The following STT3B variants were observed in gnomAD, a reference collection of about 807,000 sequenced individuals.
STT3B encodes the protein dolichyl-diphosphooligosaccharide--protein glycosyltransferase subunit STT3B.
In STT3B, 29 loss-of-function variants were observed where a neutral mutation model predicts 96.8. That is an observed-to-expected ratio of 0.30 (90% CI 0.22 to 0.41). STT3B has a LOEUF of 0.41. Ranked by LOEUF, STT3B falls within the 10% of genes least tolerant of loss-of-function variation. The pLI, the probability that STT3B is intolerant of heterozygous loss-of-function variation, is 1.00. For missense variants in STT3B, 640 were observed against 1,022.3 expected (o/e 0.63, Z 5.10); for synonymous variants, 367 against 360.0 (o/e 1.02, Z -0.22).
chr3:31,583,566 A>C (rs1394163526), intron 3 of STT3B, among the ~76,000 whole-genome samples: 3 of 152,020 alleles, frequency 2.0e-5, no homozygotes, highest in African/African-American at 4.8e-5. Context: ...TTTGGTTACT[A>C]TTTGCATGGA....
chr3:31,606,266 A>G (rs1699052256), intron 5 of STT3B, among the ~76,000 whole-genome samples: 1 of 152,216 alleles, frequency 6.6e-6, no homozygotes, highest in Non-Finnish European at 1.5e-5. Context: ...CTGCAGAAAT[A>G]TGTGTAAGTA....
intron 5 of STT3B, among the ~76,000 whole-genome samples, chr3:31,607,736 T>G (rs986819551): frequency 8.2e-5 from 9 of 109,658 alleles, no homozygotes; most frequent in African/African-American, 3.2e-4. Flanking sequence ...TTTCCTGTTT[T>G]TTGTTGTTTT....
At chr3:31,624,875 G>T (rs962806650) in intron 11 of STT3B, 39 bp from the exon 12 acceptor site, 2 of 1,521,128 alleles carry the variant, frequency 1.3e-6, no homozygotes, top group Non-Finnish European at 1.8e-6. Context: ...CTTCACATTT[G>T]TGACATCTCA....
At chr3:31,612,410 C>T (rs1482453674) in intron 5 of STT3B, among the ~76,000 whole-genome samples, 1 of 152,166 alleles carries the variant, frequency 6.6e-6, no homozygotes, top group Non-Finnish European at 1.5e-5. Context: ...ACCATTGGTG[C>T]TGGTAAGTGG....
At chr3:31,596,924 C>G in intron 4 of STT3B, 61 bp downstream of exon 4, 1 of 1,214,124 alleles carries the variant, frequency 8.2e-7, no homozygotes, top group East Asian at 2.3e-5. Context: ...TAAAACAGTT[C>G]TTTTCTCCTG....
chr3:31,546,714 G>T (rs527595808), intron 1 of STT3B, among the ~76,000 whole-genome samples: 8 of 152,208 alleles, frequency 5.3e-5, no homozygotes, highest in African/African-American at 1.9e-4. Flanking sequence ...GTTTTAGACT[G>T]GGTTGTTTAG....
In STT3B at chr3:31,596,799, TA is replaced by T; in HGVS notation, c.717del (p.Lys239AsnfsTer3). 1 of 1,609,098 alleles carries T rather than the reference TA, an allele frequency of 6.2e-7. No homozygotes were observed. ...FALQFTYYLWVKSVKTGSVFW... is the reference protein window; with the variant it reads ...FALQFTYYLWXKSVKTGSVFW... ...ATATCAGTTGCTTTTGTTTTTTAGG[TA>T]AAATCTGTAAAAACTGGGTCAGTTT... On this transcript the variant is annotated frameshift_variant and splice_region_variant, in exon 4 of 16. Transcript: ENST00000295770. LOFTEE classifies it high-confidence loss of function.
intron 14 of STT3B, among the ~76,000 whole-genome samples, chr3:31,629,996 G>A (rs1040027041): frequency 1.3e-5 from 2 of 152,156 alleles, no homozygotes; most frequent in Admixed American, 6.5e-5. Context: ...CTGTGTTTTC[G>A]ATCAGGTTCT....
chr3:31,634,336 T>C (rs567379431), intron 15 of STT3B, among the ~76,000 whole-genome samples: 2 of 152,204 alleles, frequency 1.3e-5, no homozygotes, highest in African/African-American at 2.4e-5. Flanking sequence ...AAAAGAGGGC[T>C]GTTGAACTTG....
intron 8 of STT3B, among the ~76,000 whole-genome samples, chr3:31,619,130 G>A (rs1014540165): frequency 1.1e-4 from 17 of 152,028 alleles, no homozygotes; most frequent in Non-Finnish European, 2.1e-4. Flanking sequence ...TACAGGTTGA[G>A]TATTCAAAAT....
intron 5 of STT3B, among the ~76,000 whole-genome samples, chr3:31,603,266 A>G (rs988577825): frequency 6.6e-6 from 1 of 152,090 alleles, no homozygotes; most frequent in African/African-American, 2.4e-5. Flanking sequence ...CCTTAAAATC[A>G]ATTGTAGCAC....
rs781307200 is a variant in STT3B at position 31,623,655 on chromosome 3, AT to A, written c.1540-12del. The A allele has an allele frequency of 8.9e-6, 14 of 1,567,506 alleles. No individual in the cohort carries two copies. Among genetic ancestry groups the A allele is most frequent in the Non-Finnish European group, 1.0e-5 (12 of 1,153,326 alleles). ...GTCAAATAATGAATTTGTCTAACCAATTTTTTTAATATCTTTAGGCAGGTAA... is the reference window on the plus strand; with the variant it reads ...GTCAAATAATGAATTTGTCTAACCAATTTTTTAATATCTTTAGGCAGGTAA... On this transcript the variant is annotated intron_variant, in intron 10 of 15. Transcript: ENST00000295770.
At position 31,579,809 on chromosome 3, in the gene STT3B, G is replaced by T. The variant is rs1169100350; in HGVS notation, c.424G>T (p.Val142Phe). 7 of 1,595,948 alleles carry T rather than the reference G, an allele frequency of 4.4e-6. No homozygotes were observed. The highest frequency in any genetic ancestry group is 1.3e-5 in the African/African-American group (1 of 74,176). The change falls in exon 3 of 16, where the codon GTT (valine) becomes TTT (phenylalanine). Residue 142 changes from valine to phenylalanine, a missense_variant and splice_region_variant. Transcript: ENST00000295770. ...AAATTTTCCATTTTTTTCTTCCTAG[G>T]TTTACCCAGGGTTGATGATAACCGC... is the stretch of plus-strand genomic sequence containing the variant. The part of the protein sequence containing the change: ...YPLGRIVGGT[V>F]YPGLMITAGL...
At chr3:31,606,428 T>G (rs1699055597) in intron 5 of STT3B, among the ~76,000 whole-genome samples, 1 of 152,192 alleles carries the variant, frequency 6.6e-6, no homozygotes. Context: ...CTGCTGAGTT[T>G]TGCCTAGGGA....
At chr3:31,599,277 T>C (rs550569542) in intron 4 of STT3B, among the ~76,000 whole-genome samples, 1 of 152,316 alleles carries the variant, frequency 6.6e-6, no homozygotes, top group South Asian at 2.1e-4. Flanking sequence ...TCATGGAATA[T>C]GTGCATCCAA....
intron 15 of STT3B, among the ~76,000 whole-genome samples, chr3:31,634,519 TG>T (rs1356556599): frequency 2.0e-5 from 3 of 152,256 alleles, no homozygotes; most frequent in Non-Finnish European, 4.4e-5. Context: ...CTGGTTTCCA[TG>T]GCTTTAGATG....
At chr3:31,625,386 A>AT (rs1239420890) in intron 12 of STT3B, among the ~76,000 whole-genome samples, 1 of 152,232 alleles carries the variant, frequency 6.6e-6, no homozygotes, top group African/African-American at 2.4e-5. Flanking sequence ...TTTTCGTGTT[A>AT]TAAACTAAAA....
chr3:31,627,865 CTTAAA>C (rs1699567895), intron 13 of STT3B, among the ~76,000 whole-genome samples: 1 of 152,060 alleles, frequency 6.6e-6, no homozygotes, highest in African/African-American at 2.4e-5. Context: ...TTCTGTGCAT[CTTAAA>C]TTATTTTTAA....
intron 5 of STT3B, among the ~76,000 whole-genome samples, chr3:31,613,605 A>G (rs1467968394): frequency 1.3e-5 from 2 of 152,042 alleles, no homozygotes; most frequent in African/African-American, 4.8e-5. Flanking sequence ...AAGTAGTTGT[A>G]AGATTACATA....
Sources: gnomAD v4.1 joint callset for allele counts (sites outside exome capture counted in the v4.1 genomes callset) on GRCh38, gnomAD v4.1.1 for gene constraint, MANE v1.5 for transcripts, NCBI Gene and HGNC (gene_info 2026-07-23, HGNC 2026-07-21) for gene names.